Variants in LDLRAD3 observed in about 807,000 individuals in gnomAD.
LDLRAD3 encodes low density lipoprotein receptor class A domain containing 3, also known as low-density lipoprotein receptor class A domain-containing protein 3.
LDLRAD3 carries 20 observed loss-of-function variants against 29.4 expected under a neutral mutation model. The ratio of observed to expected loss-of-function variants is 0.68; its 90% confidence interval spans 0.48 to 0.99. The LOEUF is 0.99. LDLRAD3 is among the 50% of genes least tolerant of loss of function. The pLI, the probability that LDLRAD3 is intolerant of heterozygous loss-of-function variation, is 0.00. For synonymous variants in LDLRAD3, 157 were observed against 192.7 expected (o/e 0.81, Z 1.53); for missense variants, 420 against 454.3 (o/e 0.92, Z 0.69).
At chr11:36,083,229 T>A (rs1590253127) in intron 3 of LDLRAD3, among the ~76,000 whole-genome samples, 1 of 152,366 alleles carries the variant, frequency 6.6e-6, no homozygotes, top group Middle Eastern at 3.4e-3. Flanking sequence ...CTATGGATCT[T>A]GATAAGTATA....
intron 1 of LDLRAD3, among the ~76,000 whole-genome samples, chr11:35,977,115 G>T (rs549807094): frequency 3.3e-5 from 5 of 152,300 alleles, no homozygotes; most frequent in African/African-American, 9.6e-5. Flanking sequence ...AGGTAATTCA[G>T]GGTGGCATGG....
At chr11:35,992,545 G>A (rs572410562) in intron 1 of LDLRAD3, among the ~76,000 whole-genome samples, 1 of 152,216 alleles carries the variant, frequency 6.6e-6, no homozygotes, top group Non-Finnish European at 1.5e-5. Context: ...ACATGCTACA[G>A]TATGATTGAA....
intron 2 of LDLRAD3, among the ~76,000 whole-genome samples, chr11:36,044,788 C>T (rs1286268955): frequency 1.3e-5 from 2 of 152,218 alleles, no homozygotes; most frequent in African/African-American, 4.8e-5. Context: ...CTTGGAGGTA[C>T]CTCTTCTGCA....
intron 4 of LDLRAD3, among the ~76,000 whole-genome samples, chr11:36,192,728 T>C (rs1317239971): frequency 6.6e-6 from 1 of 152,212 alleles, no homozygotes; most frequent in Non-Finnish European, 1.5e-5. Flanking sequence ...AAATGCAGAA[T>C]GTGTTACCGG....
intron 2 of LDLRAD3, among the ~76,000 whole-genome samples, chr11:36,066,004 G>A (rs1297963969): frequency 1.3e-5 from 2 of 152,112 alleles, no homozygotes; most frequent in Non-Finnish European, 2.9e-5. Context: ...CAAGGGGATG[G>A]GAGAGGGTGG....
At chr11:35,965,478 G>T (rs1851328827) in intron 1 of LDLRAD3, among the ~76,000 whole-genome samples, 1 of 152,196 alleles carries the variant, frequency 6.6e-6, no homozygotes, top group Non-Finnish European at 1.5e-5. Context: ...CAAGGCTGTG[G>T]CTGGGGGCCA....
At chr11:36,069,957 C>T (rs1054606733) in intron 2 of LDLRAD3, among the ~76,000 whole-genome samples, 2 of 152,206 alleles carry the variant, frequency 1.3e-5, no homozygotes, top group Non-Finnish European at 2.9e-5. Flanking sequence ...CCGTGGCCGA[C>T]CTCAGCTGAA....
intron 4 of LDLRAD3, among the ~76,000 whole-genome samples, chr11:36,194,880 C>A (rs1048912395): frequency 6.6e-6 from 1 of 151,898 alleles, no homozygotes; most frequent in Non-Finnish European, 1.5e-5. Flanking sequence ...AGATGTGGTC[C>A]CTGCCTGTTC....
intron 4 of LDLRAD3, among the ~76,000 whole-genome samples, chr11:36,118,134 A>G (rs1853700025): frequency 6.6e-6 from 1 of 152,176 alleles, no homozygotes; most frequent in African/African-American, 2.4e-5. Context: ...AACATCCTCC[A>G]TGATAGGGTA....
intron 3 of LDLRAD3, among the ~76,000 whole-genome samples, chr11:36,096,280 G>A (rs1853359814): frequency 6.6e-6 from 1 of 152,224 alleles, no homozygotes; most frequent in African/African-American, 2.4e-5. Context: ...TGATCTCTGT[G>A]TGTTCACAAC....
At chr11:36,038,987 TAGACGGAG>T (rs1565178451) in intron 2 of LDLRAD3, among the ~76,000 whole-genome samples, 3 of 148,964 alleles carry the variant, frequency 2.0e-5, no homozygotes, top group African/African-American at 2.5e-5. Flanking sequence ...TTTTTTTTTT[TAGACGGAG>T]TCTTGCCTCT....
intron 1 of LDLRAD3, among the ~76,000 whole-genome samples, chr11:35,963,896 G>A (rs902626899): frequency 1.3e-5 from 2 of 152,162 alleles, no homozygotes; most frequent in African/African-American, 4.8e-5. Flanking sequence ...CGTGCACGTG[G>A]GTCTCTGAGT....
At chr11:36,224,673 A>G (rs993103585) in intron 4 of LDLRAD3, among the ~76,000 whole-genome samples, 16 of 152,310 alleles carry the variant, frequency 1.1e-4, no homozygotes, top group African/African-American at 3.6e-4. Flanking sequence ...TGTAGCTTTT[A>G]GTCTGTGTTT....
At chr11:35,967,840 C>T in intron 1 of LDLRAD3, 2 of 421,466 alleles carry the variant, frequency 4.7e-6, no homozygotes, top group South Asian at 3.6e-5. Flanking sequence ...AGTATCCATT[C>T]TGAATGATCA....
intron 1 of LDLRAD3, among the ~76,000 whole-genome samples, chr11:36,025,774 A>ATTTTTT (rs754006718): frequency 1.5e-4 from 13 of 84,398 alleles, no homozygotes; most frequent in Non-Finnish European, 2.1e-4. Context: ...CCTGAATTTG[A>ATTTTTT]TTTTTTTTTT....
At chr11:36,210,838 T>C (rs1855275243) in intron 4 of LDLRAD3, among the ~76,000 whole-genome samples, 2 of 152,224 alleles carry the variant, frequency 1.3e-5, no homozygotes, top group Non-Finnish European at 2.9e-5. Flanking sequence ...TAGGAACATT[T>C]CAGTAGCTTA....
At chr11:36,160,336 C>A (rs570591824) in intron 4 of LDLRAD3, among the ~76,000 whole-genome samples, 1 of 152,140 alleles carries the variant, frequency 6.6e-6, no homozygotes, top group Non-Finnish European at 1.5e-5. Context: ...AGAAAGCCAG[C>A]GTGATTTCCC....
At chr11:36,012,104 T>A (rs1448854024) in intron 1 of LDLRAD3, among the ~76,000 whole-genome samples, 1 of 152,238 alleles carries the variant, frequency 6.6e-6, no homozygotes, top group African/African-American at 2.4e-5. Context: ...TAATATATTC[T>A]ATAGTAGTCT....
At chr11:36,058,565 A>G (rs1040326674) in intron 2 of LDLRAD3, among the ~76,000 whole-genome samples, 1 of 152,190 alleles carries the variant, frequency 6.6e-6, no homozygotes, top group Non-Finnish European at 1.5e-5. Context: ...AGCCCTCTGA[A>G]TGTCTGAGAT....
Sources: gnomAD v4.1 joint callset for allele counts (sites outside exome capture counted in the v4.1 genomes callset) on GRCh38, gnomAD v4.1.1 for gene constraint, MANE v1.5 for transcripts, NCBI Gene and HGNC (gene_info 2026-07-23, HGNC 2026-07-21) for gene names.